CCDC192: variants seen among roughly 807,000 people sequenced by gnomAD.
CCDC192 encodes coiled-coil domain containing 192, also known as coiled-coil domain-containing protein 192.
chr5:127,823,423 G>A (rs1749385325), intron 5 of CCDC192, among the ~76,000 whole-genome samples: 1 of 152,150 alleles, frequency 6.6e-6, no homozygotes, highest in African/African-American at 2.4e-5. Flanking sequence ...ACATGAGTGG[G>A]TGTCACATTT....
At chr5:127,798,858 A>C (rs1301100110) in intron 5 of CCDC192, among the ~76,000 whole-genome samples, 1 of 152,014 alleles carries the variant, frequency 6.6e-6, no homozygotes, top group Non-Finnish European at 1.5e-5. Context: ...AGACCCCATG[A>C]ATTTCTATGG....
rs187624658 is a variant in CCDC192 at position 127,784,609 on chromosome 5, G to A, written c.223-12494G>A. The A allele has an allele frequency of 1.4e-3, 851 of 615,104 alleles. 6 individuals carry two copies. The highest frequency in any genetic ancestry group is 0.014 in the African/African-American group (745 of 54,010). The allele number at this position is 615,104 out of a possible 1,614,324, so 38.1% of individuals were successfully genotyped here. On this transcript the variant is annotated intron_variant, in intron 3 of 6. Coordinates refer to ENST00000514853, the MANE Select transcript of CCDC192 (RefSeq NM_001317938.2). The stretch of plus-strand genomic sequence containing the variant: ...GGGACACACAGTCAGACCCTTCCTG[G>A]AGGGTTAAGCCAAGTAACTGTAGGT...
At chr5:127,708,827 C>T (rs1483660165) in intron 2 of CCDC192, among the ~76,000 whole-genome samples, 1 of 152,050 alleles carries the variant, frequency 6.6e-6, no homozygotes, top group Non-Finnish European at 1.5e-5. Flanking sequence ...GGACTTTGTT[C>T]TTTAATTTCT....
chr5:127,799,386 C>G (rs1757358495), intron 5 of CCDC192, among the ~76,000 whole-genome samples: 1 of 152,146 alleles, frequency 6.6e-6, no homozygotes, highest in Non-Finnish European at 1.5e-5. Flanking sequence ...TTGAAAATGA[C>G]TAAGGCTTGC....
At chr5:127,772,241 A>G (rs1449676889) in intron 3 of CCDC192, among the ~76,000 whole-genome samples, 4 of 152,168 alleles carry the variant, frequency 2.6e-5, no homozygotes, top group Non-Finnish European at 5.9e-5. Context: ...CAGGTAGATC[A>G]CTTGAGATCA....
chr5:127,939,110 CTTTTTTTTTTTTTT>C (rs59545987), intron 6 of CCDC192, among the ~76,000 whole-genome samples: 2 of 83,650 alleles, frequency 2.4e-5, no homozygotes, highest in South Asian at 5.8e-4. Flanking sequence ...AAACCAACAT[CTTTTTTTTTTTTTT>C]TTTTTTTTTT....
chr5:127,801,379 G>C (rs1757499038), intron 5 of CCDC192, among the ~76,000 whole-genome samples: 1 of 152,076 alleles, frequency 6.6e-6, no homozygotes. Context: ...TAACACCTGT[G>C]GGACCTGACC....
intron 2 of CCDC192, among the ~76,000 whole-genome samples, chr5:127,737,315 T>C (rs1691349777): frequency 6.6e-6 from 1 of 152,186 alleles, no homozygotes; most frequent in African/African-American, 2.4e-5. Flanking sequence ...TAATTTCTGT[T>C]CTTTTACATT....
intron 5 of CCDC192, among the ~76,000 whole-genome samples, chr5:127,843,761 C>G (rs1037691331): frequency 1.3e-5 from 2 of 152,142 alleles, no homozygotes; most frequent in Non-Finnish European, 2.9e-5. Context: ...TTGACTTAGC[C>G]AGAGGCAAGA....
chr5:127,818,464 A>G (rs1353623280), intron 5 of CCDC192, among the ~76,000 whole-genome samples: 1 of 152,204 alleles, frequency 6.6e-6, no homozygotes, highest in East Asian at 1.9e-4. Flanking sequence ...GGGGACTTTT[A>G]ACATTTCCTC....
rs1263711901 is a variant in CCDC192 at position 127,862,323 on chromosome 5, G to C, written c.412-13215G>C. Among the ~76,000 whole-genome samples the C allele has an allele frequency of 1.3e-5, 2 of 152,134 alleles. 1 individual carries two copies. Among genetic ancestry groups the C allele is most frequent in the East Asian group, 3.9e-4 (2 of 5,194 alleles). On this transcript the variant is annotated intron_variant, in intron 5 of 6. Coordinates refer to ENST00000514853, the MANE Select transcript of CCDC192 (RefSeq NM_001317938.2). ...CCATCTGCAACATTCTGGAGTTACT[G>C]CCATCTCTACTTCCCCCAAAACATT...
chr5:127,875,943 A>C (rs1306321113), intron 6 of CCDC192, among the ~76,000 whole-genome samples: 1 of 151,944 alleles, frequency 6.6e-6, no homozygotes, highest in African/African-American at 2.4e-5. Flanking sequence ...GCTGGGTGGT[A>C]GCAGGGGGAG....
intron 5 of CCDC192, among the ~76,000 whole-genome samples, chr5:127,867,341 T>A (rs1427582596): frequency 6.6e-6 from 1 of 152,202 alleles, no homozygotes; most frequent in East Asian, 1.9e-4. Context: ...GATTATAAAG[T>A]TATTGCTCTT....
At chr5:127,815,887 A>G (rs1235986001) in intron 5 of CCDC192, among the ~76,000 whole-genome samples, 1 of 152,084 alleles carries the variant, frequency 6.6e-6, no homozygotes, top group Non-Finnish European at 1.5e-5. Flanking sequence ...ATAAAAATAA[A>G]AGAGAGAGAT....
chr5:127,915,063 A>T lies in CCDC192; in HGVS notation c.536-26119A>T, dbSNP rs1170754954. Among the ~76,000 whole-genome samples, 5 of 152,146 alleles carry T rather than the reference A, an allele frequency of 3.3e-5. No homozygotes were observed. In the East Asian group the frequency reaches 9.6e-4, roughly 29 times the overall value. ...TTTCAGTTAGTATAATACAGGCATA[A>T]CTCAGAGATATTGCAGGCTCAGTTC... On this transcript the variant is annotated intron_variant, in intron 6 of 6. Coordinates refer to ENST00000514853, the MANE Select transcript of CCDC192 (RefSeq NM_001317938.2).
At chr5:127,838,313 G>C (rs1580731913) in intron 5 of CCDC192, among the ~76,000 whole-genome samples, 1 of 152,122 alleles carries the variant, frequency 6.6e-6, no homozygotes, top group African/African-American at 2.4e-5. Context: ...TTATAGTCAT[G>C]GTCACTTAAA....
At chr5:127,749,839 T>C (rs1754027551) in intron 2 of CCDC192, among the ~76,000 whole-genome samples, 1 of 152,218 alleles carries the variant, frequency 6.6e-6, no homozygotes, top group African/African-American at 2.4e-5. Context: ...GGTTTAGTCT[T>C]GGGAGAGTGT....
rs1038485076 is a variant in CCDC192 at position 127,923,708 on chromosome 5, AT to A, written c.536-17463del. ...TTAGTCTTAACCAATCATGGCATTG[AT>A]TTTTTTTTTTCTTTGTCAAGGGCTG... is the stretch of plus-strand genomic sequence containing the variant. On this transcript the variant is annotated intron_variant, in intron 6 of 6. Coordinates refer to ENST00000514853, the MANE Select transcript of CCDC192 (RefSeq NM_001317938.2). 6.0e-4 allele frequency among the ~76,000 whole-genome samples: 89 copies of A among 148,348 alleles called. 2 individuals are homozygous for A. The highest frequency in any genetic ancestry group is 3.0e-3 in the South Asian group (14 of 4,698).
chr5:127,887,763 G>T (rs1214369793), intron 6 of CCDC192, among the ~76,000 whole-genome samples: 3 of 151,036 alleles, frequency 2.0e-5, no homozygotes, highest in East Asian at 3.9e-4. Context: ...GAGTGCAGTG[G>T]CACGATCTCG....
Sources: allele counts gnomAD v4.1 joint callset (sites outside exome capture counted in the v4.1 genomes callset), GRCh38; gene constraint gnomAD v4.1.1; transcripts MANE v1.5; gene names NCBI Gene and HGNC (gene_info 2026-07-23, HGNC 2026-07-21).